Variants in MTX2 observed in about 807,000 individuals in gnomAD.
MTX2 encodes the protein metaxin-2.
In MTX2, 35 loss-of-function variants were observed where a neutral mutation model predicts 42.3. The observed-to-expected ratio is 0.83, with a 90% CI of 0.63 to 1.10. MTX2 has a LOEUF of 1.10. Ranked by LOEUF, MTX2 falls within the 50% of genes least tolerant of loss-of-function variation. The pLI, the probability that MTX2 is intolerant of heterozygous loss-of-function variation, is 0.00. For missense variants in MTX2, 307 were observed against 304.1 expected, an observed-to-expected ratio of 1.01 and a Z score of -0.07; for synonymous variants, 119 against 100.9, an observed-to-expected ratio of 1.18 and a Z score of -1.08.
chr2:176,292,055 A>G (rs532135070), intron 1 of MTX2, among the ~76,000 whole-genome samples: 1 of 152,208 alleles, frequency 6.6e-6, no homozygotes, highest in East Asian at 1.9e-4. Flanking sequence ...TTTACTTTTG[A>G]TGTGGTGAGA....
At chr2:176,326,552 G>A (rs1174067134) in intron 4 of MTX2, among the ~76,000 whole-genome samples, 5 of 151,624 alleles carry the variant, frequency 3.3e-5, no homozygotes, top group Non-Finnish European at 7.4e-5. Context: ...TGTTTGTGTT[G>A]GCTCTGAAAA....
intron 1 of MTX2, chr2:176,270,486 G>A (rs1236757424): frequency 8.6e-7 from 1 of 1,162,024 alleles, no homozygotes; most frequent in Non-Finnish European, 1.2e-6. Context: ...TGTTGAGAAA[G>A]TGAGGAGACT....
chr2:176,317,052 C>CAAA (rs61246608), intron 3 of MTX2, among the ~76,000 whole-genome samples: 3 of 147,216 alleles, frequency 2.0e-5, no homozygotes, highest in Admixed American at 2.0e-4. Flanking sequence ...AAAAAAAAAA[C>CAAA]AAAAACTTTT....
At chr2:176,301,219 C>T (rs1684015877) in intron 3 of MTX2, among the ~76,000 whole-genome samples, 1 of 152,032 alleles carries the variant, frequency 6.6e-6, no homozygotes. Context: ...TTATGTGGAG[C>T]ATTGCGTTCA....
intron 9 of MTX2, among the ~76,000 whole-genome samples, chr2:176,331,602 A>T (rs768756628): frequency 3.3e-5 from 5 of 151,308 alleles, no homozygotes; most frequent in Middle Eastern, 6.8e-3. Flanking sequence ...AGTAATATAT[A>T]CATATATAAT....
intron 1 of MTX2, among the ~76,000 whole-genome samples, chr2:176,280,040 C>T (rs1056258779): frequency 6.6e-6 from 1 of 152,114 alleles, no homozygotes; most frequent in African/African-American, 2.4e-5. Flanking sequence ...TTGTTTCTCT[C>T]TTGGATTCTC....
intron 1 of MTX2, among the ~76,000 whole-genome samples, chr2:176,291,740 A>G (rs1693333428): frequency 6.6e-6 from 1 of 152,168 alleles, no homozygotes; most frequent in South Asian, 2.1e-4. Context: ...TGCACAGGTT[A>G]CACGCTCGTG....
At chr2:176,323,571 C>A in intron 4 of MTX2, 107 bp downstream of exon 4, 1 of 1,021,766 alleles carries the variant, frequency 9.8e-7, no homozygotes, top group African/African-American at 1.6e-5. Flanking sequence ...TTTTGTTTAC[C>A]CTTTGAAGAA....
At chr2:176,297,248 A>G (rs1683909451) in intron 2 of MTX2, among the ~76,000 whole-genome samples, 1 of 152,148 alleles carries the variant, frequency 6.6e-6, no homozygotes, top group Non-Finnish European at 1.5e-5. Context: ...GTAAAAAGGA[A>G]CTGTTAAAAT....
At chr2:176,275,728 A>G (rs1692931683) in intron 1 of MTX2, among the ~76,000 whole-genome samples, 1 of 152,018 alleles carries the variant, frequency 6.6e-6, no homozygotes, top group Admixed American at 6.6e-5. Context: ...GGGTTGTGTA[A>G]TCCCATTTGG....
At chr2:176,307,976 G>A (rs10186645) in intron 3 of MTX2, among the ~76,000 whole-genome samples, 39,935 of 151,830 alleles carry the variant, frequency 0.26, 5,589 homozygotes, top group African/African-American at 0.34. Flanking sequence ...TGTCTTGTGC[G>A]GGTTTTCAAA....
intron 3 of MTX2, 25 bp downstream of exon 3, chr2:176,297,920 C>A: frequency 1.3e-6 from 2 of 1,515,910 alleles, no homozygotes; most frequent in East Asian, 4.8e-5. Flanking sequence ...AATGTAATAT[C>A]TTTTTCACCC....
intron 3 of MTX2, among the ~76,000 whole-genome samples, chr2:176,313,362 T>G: frequency 6.6e-6 from 1 of 150,798 alleles, no homozygotes; most frequent in African/African-American, 2.4e-5. Flanking sequence ...TTCTGCTCAT[T>G]AACTTCTTAT....
chr2:176,271,012 A>G (rs1347297275), intron 1 of MTX2, among the ~76,000 whole-genome samples: 3 of 152,152 alleles, frequency 2.0e-5, no homozygotes, highest in Non-Finnish European at 4.4e-5. Flanking sequence ...TGAGTGGTTC[A>G]CTGTGTGCAT....
intron 1 of MTX2, among the ~76,000 whole-genome samples, chr2:176,290,735 T>C (rs1693308003): frequency 6.6e-6 from 1 of 150,510 alleles, no homozygotes. Flanking sequence ...TGGGCACTCC[T>C]AGGGAATAAC....
At chr2:176,283,269 C>T (rs1309519587) in intron 1 of MTX2, among the ~76,000 whole-genome samples, 2 of 152,172 alleles carry the variant, frequency 1.3e-5, no homozygotes, top group African/African-American at 2.4e-5. Flanking sequence ...TTCACCTGCT[C>T]AACAAAATTA....
At chr2:176,317,024 CTAAG>C (rs765423496) in intron 3 of MTX2, among the ~76,000 whole-genome samples, 18 of 136,322 alleles carry the variant, frequency 1.3e-4, no homozygotes, top group African/African-American at 4.0e-4. Flanking sequence ...TGGATTTTGA[CTAAG>C]TGTCTTTTTT....
intron 1 of MTX2, among the ~76,000 whole-genome samples, chr2:176,295,740 A>G (rs1354292262): frequency 2.0e-5 from 3 of 152,124 alleles, no homozygotes; most frequent in Non-Finnish European, 2.9e-5. Context: ...CCTTTTTCCT[A>G]TTCCAGGGAT....
intron 8 of MTX2, among the ~76,000 whole-genome samples, chr2:176,329,857 GC>G (rs965359552): frequency 1.4e-5 from 2 of 147,322 alleles, no homozygotes; most frequent in African/African-American, 5.0e-5. Context: ...TAAAAAAAAA[GC>G]CCTGTTAAAT....
Sources: allele counts gnomAD v4.1 joint callset (sites outside exome capture counted in the v4.1 genomes callset), GRCh38; gene constraint gnomAD v4.1.1; transcripts MANE v1.5; gene names NCBI Gene and HGNC (gene_info 2026-07-23, HGNC 2026-07-21).